The following TIPIN variants were observed in gnomAD, a reference collection of about 807,000 sequenced individuals.
TIPIN encodes the protein TIMELESS-interacting protein.
A neutral mutation model predicts 35.6 loss-of-function variants in TIPIN; 29 were observed. The observed-to-expected ratio is 0.82, with a 90% confidence interval of 0.61 to 1.11. The LOEUF is 1.11. Ranked by LOEUF, TIPIN falls within the 50% of genes most tolerant of loss-of-function variation. The probability of loss-of-function intolerance (pLI) is 0.00; values close to 1 mark genes in which losing one functional copy is unlikely to be tolerated. For synonymous variants in TIPIN, 102 were observed against 121.5 expected (o/e 0.84, Z 1.06); for missense variants, 296 against 345.4 (o/e 0.86, Z 1.13).
At chr15:66,379,909 T>C in intron 1 of TIPIN, 5 of 1,505,924 alleles carry the variant, frequency 3.3e-6, no homozygotes, top group African/African-American at 1.4e-5. Flanking sequence ...ATGAGAATGG[T>C]CTTCACTCTC....
intron 1 of TIPIN, among the ~76,000 whole-genome samples, chr15:66,383,819 G>A (rs962681925): frequency 6.6e-6 from 1 of 151,960 alleles, no homozygotes; most frequent in African/African-American, 2.4e-5. Flanking sequence ...TTTTATTTGC[G>A]TTTTTTGTTA....
intron 1 of TIPIN, among the ~76,000 whole-genome samples, chr15:66,373,951 A>T (rs898050866): frequency 6.6e-6 from 1 of 151,560 alleles, no homozygotes; most frequent in Non-Finnish European, 1.5e-5. Context: ...GACCCTTTTG[A>T]CTCGCCTTCC....
At chr15:66,352,491 G>A in intron 2 of TIPIN, among the ~76,000 whole-genome samples, 1 of 151,944 alleles carries the variant, frequency 6.6e-6, no homozygotes, top group East Asian at 1.9e-4. Context: ...TAGAGTTGAG[G>A]TCTCGCCAGG....
intron 6 of TIPIN, among the ~76,000 whole-genome samples, chr15:66,347,629 C>A (rs2093135887): frequency 6.6e-6 from 1 of 152,150 alleles, no homozygotes; most frequent in South Asian, 2.1e-4. Flanking sequence ...GTCACCCAGG[C>A]TGGATTGCAA....
chr15:66,362,518 C>T (rs1047969453), intron 1 of TIPIN, among the ~76,000 whole-genome samples: 4 of 151,816 alleles, frequency 2.6e-5, no homozygotes, highest in Non-Finnish European at 4.4e-5. Context: ...GTCTGGAGTT[C>T]GAGACCAGCC....
intron 1 of TIPIN, among the ~76,000 whole-genome samples, chr15:66,376,344 C>CT: frequency 6.6e-6 from 1 of 152,104 alleles, no homozygotes; most frequent in East Asian, 1.9e-4. Context: ...ATTCCAGTTT[C>CT]TTTTTTTCTG....
At chr15:66,377,964 G>A (rs1250506465) in intron 1 of TIPIN, among the ~76,000 whole-genome samples, 1 of 151,926 alleles carries the variant, frequency 6.6e-6, no homozygotes, top group Non-Finnish European at 1.5e-5. Flanking sequence ...TCTTGCCTCA[G>A]TCTCCCAAGT....
At chr15:66,347,319 G>A (rs766094697) in intron 6 of TIPIN, 1 of 515,502 alleles carries the variant, frequency 1.9e-6, no homozygotes, top group Non-Finnish European at 3.9e-6. Context: ...ACTAACAAAT[G>A]CAATCAATAC....
At chr15:66,357,068 A>G (rs2093208984), upstream of TIPIN, among the ~76,000 whole-genome samples, 1 of 151,730 alleles carries the variant, frequency 6.6e-6, no homozygotes, top group Non-Finnish European at 1.5e-5. Context: ...ACCACACCGA[A>G]TTTTTGTTTT....
intron 2 of TIPIN, 106 bp downstream of exon 2, chr15:66,352,709 C>T (rs991019742): frequency 2.0e-5 from 25 of 1,275,596 alleles, no homozygotes; most frequent in Non-Finnish European, 2.4e-5. Flanking sequence ...TCTCAAATTC[C>T]TGACCTTGTG....
intron 1 of TIPIN, among the ~76,000 whole-genome samples, chr15:66,367,187 A>AATCTATATCTATATCTAT (rs60845317): frequency 0.15 from 20,099 of 130,498 alleles, 1,583 homozygotes; most frequent in Non-Finnish European, 0.18. Flanking sequence ...CTCAAAAAAA[A>AATCTATATCTATATCTAT]ATCTATATCT....
chr15:66,383,868 G>A (rs2093326833), intron 1 of TIPIN, among the ~76,000 whole-genome samples: 1 of 152,016 alleles, frequency 6.6e-6, no homozygotes, highest in Admixed American at 6.6e-5. Context: ...CTTTACACAA[G>A]CCTTTATGTG....
chr15:66,365,345 G>A (rs919697345), intron 1 of TIPIN, among the ~76,000 whole-genome samples: 3 of 152,130 alleles, frequency 2.0e-5, no homozygotes, highest in African/African-American at 7.2e-5. Context: ...ACTCCCACCA[G>A]TGCCAGGACA....
intron 1 of TIPIN, among the ~76,000 whole-genome samples, chr15:66,374,010 T>C (rs73486094): frequency 0.013 from 1,961 of 152,346 alleles, 53 homozygotes; most frequent in African/African-American, 0.045. Flanking sequence ...GCTTGTCTTT[T>C]TTCAATTTAG....
At chr15:66,348,940 G>T in intron 6 of TIPIN, 120 bp downstream of exon 6, 1 of 740,916 alleles carries the variant, frequency 1.3e-6, no homozygotes, top group Non-Finnish European at 2.2e-6. Context: ...GCAAGATTCT[G>T]TCCCTAAACA....
chr15:66,375,124 A>G (rs900137808), intron 1 of TIPIN, among the ~76,000 whole-genome samples: 1 of 151,996 alleles, frequency 6.6e-6, no homozygotes, highest in Admixed American at 6.6e-5. Flanking sequence ...GGATATATGC[A>G]TTATATGAGC....
intron 1 of TIPIN, among the ~76,000 whole-genome samples, chr15:66,376,487 G>A (rs193262535): frequency 5.3e-5 from 8 of 151,884 alleles, no homozygotes; most frequent in African/African-American, 1.7e-4. Flanking sequence ...GGAGTGCCAT[G>A]ATGTGGTCTC....
intron 6 of TIPIN, chr15:66,347,445 A>T (rs2093134512): frequency 1.4e-5 from 5 of 354,712 alleles, no homozygotes; most frequent in South Asian, 1.1e-4. Context: ...ACTTTATCCA[A>T]TGGTGTATAT....
At chr15:66,371,574 C>T (rs1777793526) in intron 1 of TIPIN, among the ~76,000 whole-genome samples, 1 of 150,480 alleles carries the variant, frequency 6.6e-6, no homozygotes, top group African/African-American at 2.4e-5. Context: ...AGTGCAGTGG[C>T]GCGATCTCGG....
Sources: gnomAD v4.1 joint callset for allele counts (sites outside exome capture counted in the v4.1 genomes callset) on GRCh38, gnomAD v4.1.1 for gene constraint, MANE v1.5 for transcripts, NCBI Gene and HGNC (gene_info 2026-07-23, HGNC 2026-07-21) for gene names.